Variants in MAST4 observed in about 807,000 individuals in gnomAD.
MAST4 encodes microtubule associated serine/threonine kinase family member 4.
In MAST4, 89 loss-of-function variants were observed where a neutral mutation model predicts 162.7. The observed-to-expected ratio is 0.55, with a 90% CI of 0.46 to 0.65. The LOEUF (loss-of-function observed/expected upper bound fraction) is 0.65. MAST4 is among the 30% of genes least tolerant of loss of function. The pLI is 0.00. For synonymous variants in MAST4, 1,479 were observed against 1,361.1 expected (o/e 1.09, Z -1.91); for missense variants, 3,153 against 3,374.0 (o/e 0.93, Z 1.62).
chr5:67,103,455 C>T (rs982338663), intron 9 of MAST4, among the ~76,000 whole-genome samples: 5 of 152,154 alleles, frequency 3.3e-5, no homozygotes, highest in Non-Finnish European at 7.4e-5. Context: ...GTCACTTGCT[C>T]ACCAGGGAAA....
intron 4 of MAST4, among the ~76,000 whole-genome samples, chr5:66,960,514 G>A (rs1027206930): frequency 6.6e-6 from 1 of 151,616 alleles, no homozygotes; most frequent in Admixed American, 6.6e-5. Flanking sequence ...CACCATCTGT[G>A]TGGAATATTT....
At chr5:66,988,166 G>A (rs1007504859) in intron 4 of MAST4, among the ~76,000 whole-genome samples, 1 of 152,148 alleles carries the variant, frequency 6.6e-6, no homozygotes, top group Admixed American at 6.5e-5. Flanking sequence ...AGAGGGAAGA[G>A]ACTCTAGTAT....
chr5:67,025,717 G>A (rs558184154), intron 4 of MAST4, among the ~76,000 whole-genome samples: 1 of 152,316 alleles, frequency 6.6e-6, no homozygotes, highest in South Asian at 2.1e-4. Flanking sequence ...GCTTTCATCA[G>A]TTATGTTTAG....
At chr5:67,121,569 A>G (rs1767594141) in intron 14 of MAST4, among the ~76,000 whole-genome samples, 2 of 151,766 alleles carry the variant, frequency 1.3e-5, no homozygotes, top group Admixed American at 1.3e-4. Flanking sequence ...CTGGTTGAAG[A>G]TTTAGAGCAG....
intron 5 of MAST4, among the ~76,000 whole-genome samples, chr5:67,057,432 A>G (rs1665761334): frequency 6.6e-6 from 1 of 152,138 alleles, no homozygotes; most frequent in African/African-American, 2.4e-5. Context: ...TATCAGATGT[A>G]TCAGTAGAGA....
chr5:67,017,634 C>T lies in MAST4; in HGVS notation c.675-36770C>T, dbSNP rs543621978. On this transcript the variant is annotated intron_variant, in intron 4 of 28. Transcript: ENST00000403625. ...TTTTTTTTTTTTTGAGACAGACTCT[C>T]ACCCTGTCACCCAGGCTGGAGTGCA... Among the ~76,000 whole-genome samples the T allele has an allele frequency of 3.5e-5, 5 of 142,366 alleles. No homozygotes were observed. In the South Asian group the frequency reaches 6.6e-4, roughly 19 times the overall value. 93.4% of individuals were successfully genotyped at this position (142,366 alleles called of 152,430 possible). A position where few individuals can be genotyped will look rare whatever the true frequency, so the allele number is the denominator to read the frequency against.
chr5:66,614,135 AG>A (rs1743482960), intron 1 of MAST4, among the ~76,000 whole-genome samples: 1 of 152,236 alleles, frequency 6.6e-6, no homozygotes, highest in South Asian at 2.1e-4. Context: ...AAACTCCCAA[AG>A]GAACTTCTCT....
At chr5:66,624,067 T>C (rs1167114583) in intron 1 of MAST4, among the ~76,000 whole-genome samples, 1 of 150,144 alleles carries the variant, frequency 6.7e-6, no homozygotes, top group African/African-American at 2.5e-5. Flanking sequence ...CATTTAATTA[T>C]AAAATATTGA....
intron 2 of MAST4, among the ~76,000 whole-genome samples, chr5:66,763,863 G>GT (rs1191907691): frequency 1.3e-5 from 2 of 152,190 alleles, no homozygotes; most frequent in Non-Finnish European, 2.9e-5. Context: ...TAACCCCACT[G>GT]TAAGATGAGG....
At chr5:66,878,839 T>G (rs952476413) in intron 3 of MAST4, among the ~76,000 whole-genome samples, 6 of 152,248 alleles carry the variant, frequency 3.9e-5, no homozygotes, top group African/African-American at 1.4e-4. Context: ...AAGGATTTTT[T>G]GTCTCCGTTG....
intron 11 of MAST4, 119 bp from the exon 12 acceptor site, chr5:67,113,968 T>C: frequency 9.0e-7 from 1 of 1,108,888 alleles, no homozygotes; most frequent in East Asian, 2.5e-5. Flanking sequence ...GCCTCCTTTC[T>C]GCATAAGTAA....
At chr5:66,647,141 C>T (rs772400793) in intron 1 of MAST4, among the ~76,000 whole-genome samples, 1 of 152,152 alleles carries the variant, frequency 6.6e-6, no homozygotes, top group Non-Finnish European at 1.5e-5. Flanking sequence ...AAGTCAACTG[C>T]CTCTTCGTAG....
chr5:66,759,348 A>G (rs1238546960), intron 1 of MAST4, among the ~76,000 whole-genome samples: 1 of 152,218 alleles, frequency 6.6e-6, no homozygotes, highest in Admixed American at 6.5e-5. Context: ...GTATAACTGA[A>G]TAAAACATTT....
intron 4 of MAST4, among the ~76,000 whole-genome samples, chr5:67,024,566 G>A (rs1754414076): frequency 6.6e-6 from 1 of 151,910 alleles, no homozygotes; most frequent in African/African-American, 2.4e-5. Flanking sequence ...TAAGTAATGT[G>A]TAAGTACTAT....
At chr5:66,869,484 A>G (rs779646675) in intron 3 of MAST4, among the ~76,000 whole-genome samples, 1 of 152,100 alleles carries the variant, frequency 6.6e-6, no homozygotes, top group Non-Finnish European at 1.5e-5. Flanking sequence ...TTTCCCAGAG[A>G]AGGTAGAGAA....
chr5:66,838,365 A>G (rs1051223057), intron 3 of MAST4, among the ~76,000 whole-genome samples: 1 of 152,110 alleles, frequency 6.6e-6, no homozygotes, highest in Non-Finnish European at 1.5e-5. Flanking sequence ...CAAGGACAGA[A>G]CCCCATTCTT....
chr5:66,938,586 A>G (rs1743013547), intron 4 of MAST4, among the ~76,000 whole-genome samples: 1 of 152,184 alleles, frequency 6.6e-6, no homozygotes, highest in East Asian at 1.9e-4. Flanking sequence ...ACCTGGGAAC[A>G]GGGCCGAATC....
At position 66,985,979 on chromosome 5, in the gene MAST4, T is replaced by C. The variant is rs185658389; in HGVS notation, c.675-68425T>C. Among the ~76,000 whole-genome samples the C allele has an allele frequency of 2.4e-3, 361 of 152,224 alleles. 2 individuals carry two copies. The highest frequency in any genetic ancestry group is 8.3e-3 in the African/African-American group (344 of 41,536). On this transcript the variant is annotated intron_variant, in intron 4 of 28. Transcript: ENST00000403625. ...ACTACTCATTCATCCTGTAAACATA[T>C]ATTGATTGCCAATAATGATCCCACG...
chr5:66,930,406 T>C (rs963424539), intron 4 of MAST4, among the ~76,000 whole-genome samples: 3 of 152,154 alleles, frequency 2.0e-5, no homozygotes, highest in Admixed American at 2.0e-4. Context: ...AGAAGTGTAG[T>C]TCCCACAAAC....
Sources: gnomAD v4.1 joint callset for allele counts (sites outside exome capture counted in the v4.1 genomes callset) on GRCh38, gnomAD v4.1.1 for gene constraint, MANE v1.5 for transcripts, NCBI Gene and HGNC (gene_info 2026-07-23, HGNC 2026-07-21) for gene names.